The following TRIO variants were observed in gnomAD, a reference collection of about 807,000 sequenced individuals.
TRIO encodes trio Rho guanine nucleotide exchange factor.
TRIO carries 58 observed loss-of-function variants against 351.9 expected under a neutral mutation model. That is an observed-to-expected ratio of 0.16 (90% CI 0.13 to 0.21). TRIO has a LOEUF of 0.21. Among genes scored for constraint, TRIO ranks in the 10% least tolerant of loss-of-function variants. TRIO has a pLI of 1.00. For synonymous variants in TRIO, 1,758 were observed against 1,595.7 expected (o/e 1.10, Z -2.42); for missense variants, 3,201 against 4,027.8 (o/e 0.79, Z 5.56).
At position 14,304,498 on chromosome 5, in the gene TRIO, G is replaced by A. The variant is rs146347032; in HGVS notation, c.1406G>A (p.Gly469Asp). ...SNVDSWCKAC[G>D]EVDLPSELQD... ...GTGGATTCATGGTGTAAAGCTTGCG[G>A]TGAGGTAGACCTTCCCTCAGAGCTG... The change falls in exon 8 of 57, where the codon GGT (glycine) becomes GAT (aspartate). Residue 469 changes from glycine to aspartate, a missense_variant. Physicochemically the swap from Gly to Asp is moderately conservative, Grantham distance 94 (BLOSUM62 -1). Coordinates refer to ENST00000344204, the MANE Select transcript of TRIO (RefSeq NM_007118.4). The A allele has an allele frequency of 1.2e-6, 2 of 1,613,750 alleles. No individual in the cohort carries two copies. Among genetic ancestry groups the A allele is most frequent in the African/African-American group, 1.3e-5 (1 of 74,902 alleles).
rs1299335466 is a variant in TRIO, at chr5:14,461,095, C to G, written c.5280C>G (p.Ala1760=). 5.7e-6 allele frequency: 9 copies of G among 1,567,260 alleles called. No individual in the cohort carries two copies. The highest frequency in any genetic ancestry group is 2.4e-5 in the East Asian group (1 of 41,728). ...CCCTCCAGCCCCACATGATCGGGGC[C>G]CAGAGCTCGCCGGGCCCCAAGCGGC... is the stretch of plus-strand genomic sequence containing the variant. ...VASLQPHMIG[A]QSSPGPKRPG... is the part of the protein sequence containing the mutation. The change falls in exon 35 of 57, where the codon GCC becomes GCG. Residue 1760 remains alanine (A), a synonymous_variant. Transcript: ENST00000344204.
At chr5:14,450,726 G>A (rs1312473636) in intron 34 of TRIO, among the ~76,000 whole-genome samples, 1 of 152,196 alleles carries the variant, frequency 6.6e-6, no homozygotes, top group Non-Finnish European at 1.5e-5. Flanking sequence ...CACGCTCAGT[G>A]CTTCTCTGGC....
chr5:14,290,021 C>A (rs1736772669), intron 4 of TRIO, among the ~76,000 whole-genome samples: 1 of 152,156 alleles, frequency 6.6e-6, no homozygotes, highest in Admixed American at 6.5e-5. Context: ...TTAGCTCTGT[C>A]AAATGAGCCT....
intron 49 of TRIO, 76 bp downstream of exon 49, chr5:14,492,890 C>T: frequency 1.3e-6 from 2 of 1,572,714 alleles, no homozygotes; most frequent in Non-Finnish European, 1.7e-6. Flanking sequence ...CACACGACCT[C>T]AGACGGGGTA....
At chr5:14,458,711 TA>T (rs1753552731) in intron 34 of TRIO, among the ~76,000 whole-genome samples, 1 of 152,198 alleles carries the variant, frequency 6.6e-6, no homozygotes, top group African/African-American at 2.4e-5. Flanking sequence ...GTTGGTACTT[TA>T]AAAAATATTC....
rs1743938450 is a variant in TRIO at position 14,359,506 on chromosome 5, G to A, written c.2366G>A (p.Arg789His). Residue 789 changes from arginine (R) to histidine (H), a missense_variant, in exon 13 of 57, where the codon CGC becomes CAC. By Grantham distance (29) the Arg-to-His change is conservative. Coordinates refer to ENST00000344204, the MANE Select transcript of TRIO (RefSeq NM_007118.4). ...AAGCTGGAGCTCTTCCTGCAGCTGC[G>A]CATCTTCGAGAGGGACGCCATCGAC... is the stretch of plus-strand genomic sequence containing the variant. ...KIKLELFLQLRIFERDAIDII... is the reference protein window; with the variant it reads ...KIKLELFLQLHIFERDAIDII... 2 of 1,614,044 alleles carry A rather than the reference G, an allele frequency of 1.2e-6. No homozygotes were observed. The highest frequency in any genetic ancestry group is 1.7e-6 in the Non-Finnish European group (2 of 1,179,982).
At chr5:14,265,006 G>C (rs1795584883) in intron 1 of TRIO, among the ~76,000 whole-genome samples, 1 of 151,544 alleles carries the variant, frequency 6.6e-6, no homozygotes, top group South Asian at 2.1e-4. Flanking sequence ...TCTTTTTCTG[G>C]TTGTTTAAAA....
chr5:14,398,474 C>T (rs575578001), intron 29 of TRIO, among the ~76,000 whole-genome samples: 4 of 151,980 alleles, frequency 2.6e-5, no homozygotes, highest in African/African-American at 9.7e-5. Context: ...AGAATCAAGA[C>T]GGAGGCTGGG....
intron 1 of TRIO, among the ~76,000 whole-genome samples, chr5:14,264,839 A>C (rs902253511): frequency 2.0e-5 from 3 of 152,202 alleles, no homozygotes; most frequent in Non-Finnish European, 4.4e-5. Context: ...TTGCGGAGCG[A>C]GGGCGGTGCC....
intron 33 of TRIO, among the ~76,000 whole-genome samples, chr5:14,414,638 T>C (rs969875510): frequency 4.6e-5 from 7 of 152,138 alleles, no homozygotes; most frequent in South Asian, 4.1e-4. Flanking sequence ...AAAAAAAAAA[T>C]GTAACGTAAA....
intron 9 of TRIO, among the ~76,000 whole-genome samples, chr5:14,319,586 C>A (rs1346946297): frequency 6.6e-6 from 1 of 152,004 alleles, no homozygotes; most frequent in Non-Finnish European, 1.5e-5. Flanking sequence ...CATAGTAAGC[C>A]GGTTAGAGAC....
intron 6 of TRIO, among the ~76,000 whole-genome samples, chr5:14,294,464 GA>G (rs1443739319): frequency 6.6e-6 from 1 of 152,154 alleles, no homozygotes. Context: ...AGAATTTTCT[GA>G]AACTTTTGGC....
intron 11 of TRIO, among the ~76,000 whole-genome samples, chr5:14,342,436 A>G (rs779092324): frequency 6.6e-6 from 1 of 152,138 alleles, no homozygotes; most frequent in Admixed American, 6.5e-5. Context: ...CTGCCCTCCG[A>G]TGGGTGCTCT....
chr5:14,463,166 A>T (rs1041167678), intron 36 of TRIO, among the ~76,000 whole-genome samples: 3 of 152,250 alleles, frequency 2.0e-5, no homozygotes, highest in African/African-American at 7.2e-5. Context: ...GGCTCAATGC[A>T]TTTTTAATGA....
chr5:14,476,400 C>G (rs939860014), intron 40 of TRIO, among the ~76,000 whole-genome samples: 1 of 152,174 alleles, frequency 6.6e-6, no homozygotes, highest in African/African-American at 2.4e-5. Context: ...TGCTTTGTAG[C>G]TTAACAAAAG....
chr5:14,171,122 C>G (rs1274957914), intron 1 of TRIO, among the ~76,000 whole-genome samples: 1 of 151,810 alleles, frequency 6.6e-6, no homozygotes, highest in Non-Finnish European at 1.5e-5. Context: ...TTAAAGATAC[C>G]AAGAACATTC....
intron 11 of TRIO, among the ~76,000 whole-genome samples, chr5:14,349,216 G>A (rs1045194969): frequency 1.4e-5 from 2 of 148,018 alleles, no homozygotes; most frequent in East Asian, 4.1e-4. Flanking sequence ...ACATGATCAT[G>A]TGTGTTTTTC....
chr5:14,400,119 T>C (rs75633403), intron 30 of TRIO, among the ~76,000 whole-genome samples: 1,706 of 152,334 alleles, frequency 0.011, 23 homozygotes, highest in African/African-American at 0.039. Flanking sequence ...GTGTTCTGTT[T>C]GAGATCGTCT....
At chr5:14,306,521 C>T (rs999962289) in intron 8 of TRIO, among the ~76,000 whole-genome samples, 3 of 152,154 alleles carry the variant, frequency 2.0e-5, no homozygotes, top group Non-Finnish European at 4.4e-5. Flanking sequence ...CTGTTACTCA[C>T]ACATGTAATG....
Sources: gnomAD v4.1 joint callset for allele counts (sites outside exome capture counted in the v4.1 genomes callset) on GRCh38, gnomAD v4.1.1 for gene constraint, MANE v1.5 for transcripts, NCBI Gene and HGNC (gene_info 2026-07-23, HGNC 2026-07-21) for gene names.